The following ADGRL2 variants were observed in gnomAD, a reference collection of about 807,000 sequenced individuals.
ADGRL2 encodes the protein adhesion G protein-coupled receptor L2.
In ADGRL2, 44 loss-of-function variants were observed where a neutral mutation model predicts 157.4. That is an observed-to-expected ratio of 0.28 (90% CI 0.22 to 0.36). The LOEUF (loss-of-function observed/expected upper bound fraction) is 0.36. Among genes scored for constraint, ADGRL2 ranks in the 10% least tolerant of loss-of-function variants. ADGRL2 has a pLI of 1.00. For synonymous variants in ADGRL2, 585 were observed against 624.7 expected (o/e 0.94, Z 0.95); for missense variants, 1,510 against 1,768.9 (o/e 0.85, Z 2.63).
chr1:81,977,394 G>A (rs887667476), intron 17 of ADGRL2, among the ~76,000 whole-genome samples: 1 of 151,704 alleles, frequency 6.6e-6, no homozygotes, highest in Admixed American at 6.6e-5. Context: ...GTTTTCTATG[G>A]CATATTCACC....
intron 1 of ADGRL2, among the ~76,000 whole-genome samples, chr1:81,726,280 C>T (rs778637507): frequency 2.6e-5 from 4 of 152,152 alleles, no homozygotes; most frequent in Non-Finnish European, 4.4e-5. Flanking sequence ...GTCATACATC[C>T]TTCCCTGGAC....
chr1:81,646,183 A>T (rs977288546), intron 3 of ADGRL2, among the ~76,000 whole-genome samples: 6 of 152,172 alleles, frequency 3.9e-5, no homozygotes, highest in African/African-American at 1.2e-4. Flanking sequence ...TCAGAAAAAA[A>T]TCTGATATCA....
chr1:81,754,656 T>G (rs2085619044), intron 1 of ADGRL2, among the ~76,000 whole-genome samples: 1 of 147,094 alleles, frequency 6.8e-6, no homozygotes, highest in African/African-American at 2.5e-5. Flanking sequence ...TTTCCTTCCT[T>G]CCTCCCTCCC....
At chr1:81,894,328 C>T (rs2094335524) in intron 2 of ADGRL2, among the ~76,000 whole-genome samples, 1 of 152,008 alleles carries the variant, frequency 6.6e-6, no homozygotes, top group Non-Finnish European at 1.5e-5. Context: ...AGAGTGGGTT[C>T]CTTGCTGCAT....
intron 1 of ADGRL2, among the ~76,000 whole-genome samples, chr1:81,808,429 G>A (rs1047787651): frequency 1.3e-5 from 2 of 151,718 alleles, no homozygotes; most frequent in Non-Finnish European, 2.9e-5. Flanking sequence ...TTTTCTTGGT[G>A]ACTTTTGTTA....
intron 11 of ADGRL2, among the ~76,000 whole-genome samples, chr1:81,957,788 A>T (rs1209566558): frequency 6.6e-6 from 1 of 152,152 alleles, no homozygotes; most frequent in Non-Finnish European, 1.5e-5. Context: ...TAATTAAAAA[A>T]CACTATGGAG....
chr1:81,652,846 T>A (rs1448679587), intron 3 of ADGRL2, among the ~76,000 whole-genome samples: 1 of 152,162 alleles, frequency 6.6e-6, no homozygotes, highest in Non-Finnish European at 1.5e-5. Context: ...TTAATGGACA[T>A]CCTTGAATAA....
At position 81,801,013 on chromosome 1, in the gene ADGRL2, C is replaced by T. The variant is rs1024160385; in HGVS notation, c.-156C>T. 6.6e-6 allele frequency among the ~76,000 whole-genome samples: 1 copy of T among 150,872 alleles called. No homozygotes were observed. The highest frequency in any genetic ancestry group is 1.5e-5 in the Non-Finnish European group (1 of 67,636). ...CCCCGCCGGCGGAGCCGGGGCCGGC[C>T]TGGTCCTCGGGCGGCTGCTTGGCCA... On this transcript the variant is annotated 5_prime_UTR_variant, in exon 1 of 24. Coordinates refer to ENST00000686636, the MANE Select transcript of ADGRL2 (RefSeq NM_001366006.2).
intron 1 of ADGRL2, among the ~76,000 whole-genome samples, chr1:81,746,413 CT>C (rs2085248068): frequency 6.6e-6 from 1 of 152,138 alleles, no homozygotes; most frequent in South Asian, 2.1e-4. Flanking sequence ...CCTCAGCCTC[CT>C]GAGTAGCTGG....
At chr1:81,672,405 G>A (rs1039152395) in intron 3 of ADGRL2, among the ~76,000 whole-genome samples, 4 of 152,106 alleles carry the variant, frequency 2.6e-5, no homozygotes, top group African/African-American at 9.7e-5. Flanking sequence ...CTGTGGTATG[G>A]AACTGATACA....
intron 2 of ADGRL2, among the ~76,000 whole-genome samples, chr1:81,523,602 C>A (rs2148184471): frequency 6.6e-6 from 1 of 152,260 alleles, no homozygotes; most frequent in East Asian, 1.9e-4. Context: ...GTTGATCTCA[C>A]TCATAATCTG....
At chr1:81,945,711 C>CT (rs1429740410) in intron 6 of ADGRL2, among the ~76,000 whole-genome samples, 9 of 152,190 alleles carry the variant, frequency 5.9e-5, no homozygotes, top group African/African-American at 2.2e-4. Context: ...GATGTAGCAA[C>CT]TGTATGTTCC....
chr1:81,482,304 C>G (rs1481063923), intron 2 of ADGRL2, among the ~76,000 whole-genome samples: 3 of 152,238 alleles, frequency 2.0e-5, no homozygotes, highest in African/African-American at 7.2e-5. Context: ...TTGCAAAAGT[C>G]CTAATGGAGG....
chr1:81,573,576 C>T (rs994882090), intron 2 of ADGRL2, among the ~76,000 whole-genome samples: 4 of 152,104 alleles, frequency 2.6e-5, no homozygotes, highest in African/African-American at 9.7e-5. Flanking sequence ...GCAGCTCATT[C>T]ATAGCAATGG....
chr1:81,556,053 C>G (rs2080268838), intron 2 of ADGRL2, among the ~76,000 whole-genome samples: 1 of 151,762 alleles, frequency 6.6e-6, no homozygotes, highest in Admixed American at 6.6e-5. Flanking sequence ...AAGAAGTCAG[C>G]ATCAACCTAA....
chr1:81,867,134 A>T (rs1356317040), intron 2 of ADGRL2, among the ~76,000 whole-genome samples: 1 of 152,208 alleles, frequency 6.6e-6, no homozygotes, highest in Non-Finnish European at 1.5e-5. Flanking sequence ...ACTGGGTAGT[A>T]TAAAAAATCC....
At chr1:81,527,853 G>T (rs1354696815) in intron 2 of ADGRL2, among the ~76,000 whole-genome samples, 1 of 151,966 alleles carries the variant, frequency 6.6e-6, no homozygotes, top group Non-Finnish European at 1.5e-5. Flanking sequence ...GGATCACGAG[G>T]TCAGGAGATC....
intron 1 of ADGRL2, among the ~76,000 whole-genome samples, chr1:81,818,559 C>T (rs1002794679): frequency 4.6e-5 from 7 of 152,120 alleles, no homozygotes; most frequent in African/African-American, 1.2e-4. Flanking sequence ...TTTCCAAGAA[C>T]GATCCTACTT....
chr1:81,567,353 A>G (rs1311254799), intron 2 of ADGRL2, among the ~76,000 whole-genome samples: 5 of 152,138 alleles, frequency 3.3e-5, no homozygotes, highest in Non-Finnish European at 7.4e-5. Flanking sequence ...TGGACAACAC[A>G]GGTATAAAAC....
Sources: allele counts gnomAD v4.1 joint callset (sites outside exome capture counted in the v4.1 genomes callset), GRCh38; gene constraint gnomAD v4.1.1; transcripts MANE v1.5; gene names NCBI Gene and HGNC (gene_info 2026-07-23, HGNC 2026-07-21).